CERS6: variants seen among roughly 807,000 people sequenced by gnomAD.
The protein encoded by CERS6 is ceramide synthase 6, also known as LAG1 homolog, ceramide synthase 6.
CERS6 carries 26 observed loss-of-function variants against 56.8 expected under a neutral mutation model. That is an observed-to-expected ratio of 0.46 (90% confidence interval 0.34 to 0.63). The LOEUF (loss-of-function observed/expected upper bound fraction) is 0.63, where lower values mean the gene tolerates loss of function less well. Ranked by LOEUF, CERS6 falls within the 30% of genes least tolerant of loss-of-function variation. The pLI is 0.01. For missense variants in CERS6, 415 were observed against 467.5 expected, an observed-to-expected ratio of 0.89 and a Z score of 1.04; for synonymous variants, 164 against 173.3, an observed-to-expected ratio of 0.95 and a Z score of 0.42.
At chr2:168,557,742 A>C (rs1695710180) in intron 2 of CERS6, among the ~76,000 whole-genome samples, 1 of 152,214 alleles carries the variant, frequency 6.6e-6, no homozygotes, top group African/African-American at 2.4e-5. Flanking sequence ...GCTAATTATG[A>C]CTTCAAATGT....
At chr2:168,491,603 G>A (rs966483674) in intron 1 of CERS6, among the ~76,000 whole-genome samples, 3 of 151,986 alleles carry the variant, frequency 2.0e-5, no homozygotes, top group South Asian at 2.1e-4. Context: ...TGGAACTATG[G>A]TTAATAGTGT....
At chr2:168,532,557 G>A (rs1200335172) in intron 1 of CERS6, among the ~76,000 whole-genome samples, 1 of 151,808 alleles carries the variant, frequency 6.6e-6, no homozygotes, top group African/African-American at 2.4e-5. Context: ...CAGTCACAGT[G>A]TAGCCCTTTG....
chr2:168,513,052 T>G (rs942056761), intron 1 of CERS6, among the ~76,000 whole-genome samples: 22 of 152,168 alleles, frequency 1.4e-4, no homozygotes, highest in Admixed American at 1.2e-3. Flanking sequence ...CCTCAAATAT[T>G]TAGTTCTCCT....
intron 3 of CERS6, among the ~76,000 whole-genome samples, chr2:168,565,554 T>C (rs1695870105): frequency 6.6e-6 from 1 of 152,238 alleles, no homozygotes; most frequent in South Asian, 2.1e-4. Flanking sequence ...TTTCAAAATA[T>C]AGAATTCCTT....
In CERS6 at chr2:168,769,590, T is replaced by A. The variant is rs747811536; in HGVS notation, c.1083T>A (p.Thr361=). The change falls in exon 10 of 10, where the codon ACT becomes ACA. Residue 361 remains threonine, a synonymous_variant. Transcript: ENST00000305747. Reference sequence around the variant, plus strand: ...AACCTCCGGGAAAGAATCCCCACACTGCGACAACCACCAATGGGACCAGTG... The same window carrying A: ...AACCTCCGGGAAAGAATCCCCACACAGCGACAACCACCAATGGGACCAGTG... ...DSEPPGKNPH[T]ATTTNGTSGT... 66 of 1,612,594 alleles carry A rather than the reference T, an allele frequency of 4.1e-5. No homozygotes were observed. Among genetic ancestry groups the A allele is most frequent in the Non-Finnish European group, 5.6e-5 (66 of 1,179,632 alleles).
At chr2:168,763,064 T>C (rs1329266078) in intron 8 of CERS6, among the ~76,000 whole-genome samples, 1 of 152,012 alleles carries the variant, frequency 6.6e-6, no homozygotes, top group African/African-American at 2.4e-5. Flanking sequence ...TATATGGAGA[T>C]AGGGTCTCAC....
At chr2:168,628,644 A>G (rs1684643919) in intron 3 of CERS6, among the ~76,000 whole-genome samples, 1 of 152,182 alleles carries the variant, frequency 6.6e-6, no homozygotes, top group South Asian at 2.1e-4. Context: ...GCCTCAAGAA[A>G]TGTACGTAAT....
chr2:168,562,337 T>C (rs901814139), intron 3 of CERS6, among the ~76,000 whole-genome samples: 3 of 152,122 alleles, frequency 2.0e-5, no homozygotes, highest in Admixed American at 6.5e-5. Context: ...ACACAAAGTA[T>C]AGAGAAACAA....
At chr2:168,645,988 C>A (rs542305200) in intron 4 of CERS6, among the ~76,000 whole-genome samples, 1 of 152,298 alleles carries the variant, frequency 6.6e-6, no homozygotes, top group South Asian at 2.1e-4. Flanking sequence ...GCAAATAGGG[C>A]TGCAGTGAAC....
chr2:168,466,325 G>A (rs911418452), intron 1 of CERS6, among the ~76,000 whole-genome samples: 32 of 152,272 alleles, frequency 2.1e-4, no homozygotes, highest in African/African-American at 7.5e-4. Context: ...ACCCTGGTAA[G>A]TACACAATCC....
At chr2:168,599,511 A>G (rs1448758525) in intron 3 of CERS6, among the ~76,000 whole-genome samples, 1 of 152,192 alleles carries the variant, frequency 6.6e-6, no homozygotes, top group Non-Finnish European at 1.5e-5. Context: ...GTCGGAGTAA[A>G]TCCAACTGTG....
intron 4 of CERS6, among the ~76,000 whole-genome samples, chr2:168,674,954 A>G (rs528614545): frequency 3.8e-5 from 4 of 104,692 alleles, no homozygotes; most frequent in South Asian, 3.9e-4. Flanking sequence ...AGGAATTTAC[A>G]TTACCTTATT....
At chr2:168,754,807 G>T (rs1296737253) in intron 8 of CERS6, among the ~76,000 whole-genome samples, 4 of 152,180 alleles carry the variant, frequency 2.6e-5, no homozygotes, top group Non-Finnish European at 5.9e-5. Context: ...TGCCCAGATG[G>T]AAGTGCAGTG....
chr2:168,578,172 C>CTT (rs79515649), intron 3 of CERS6, among the ~76,000 whole-genome samples: 5 of 141,540 alleles, frequency 3.5e-5, no homozygotes, highest in East Asian at 2.0e-4. Context: ...AACCAGTAAA[C>CTT]TTTTTTTTTT....
chr2:168,675,982 G>A (rs1027340201), intron 4 of CERS6, among the ~76,000 whole-genome samples: 11 of 152,150 alleles, frequency 7.2e-5, no homozygotes, highest in Non-Finnish European at 1.2e-4. Context: ...ACTGCACTCG[G>A]CCAAAATAAC....
chr2:168,580,060 A>C (rs1270267167), intron 3 of CERS6, among the ~76,000 whole-genome samples: 1 of 152,182 alleles, frequency 6.6e-6, no homozygotes, highest in Admixed American at 6.5e-5. Context: ...GCCATTTAAC[A>C]AGTATTCCCA....
chr2:168,670,359 C>T (rs2105338037), intron 4 of CERS6, among the ~76,000 whole-genome samples: 1 of 152,240 alleles, frequency 6.6e-6, no homozygotes, highest in South Asian at 2.1e-4. Context: ...AGTCACATCC[C>T]CTTCCCCCAC....
At chr2:168,704,670 G>T (rs2105376393) in intron 6 of CERS6, among the ~76,000 whole-genome samples, 1 of 152,262 alleles carries the variant, frequency 6.6e-6, no homozygotes, top group East Asian at 1.9e-4. Context: ...GCAGTGGCGT[G>T]ATCTTGGTTC....
chr2:168,562,502 A>C (rs1028722356), intron 3 of CERS6, among the ~76,000 whole-genome samples: 3 of 152,194 alleles, frequency 2.0e-5, no homozygotes, highest in African/African-American at 7.2e-5. Context: ...AGGTCAGCAA[A>C]AAACATGTGA....
Sources: gnomAD v4.1 joint callset for allele counts (sites outside exome capture counted in the v4.1 genomes callset) on GRCh38, gnomAD v4.1.1 for gene constraint, MANE v1.5 for transcripts, NCBI Gene and HGNC (gene_info 2026-07-23, HGNC 2026-07-21) for gene names.